The following ANO3 variants were observed in gnomAD, a reference collection of about 807,000 sequenced individuals.
The protein encoded by ANO3 is anoctamin-3.
ANO3 carries 99 observed loss-of-function variants against 144.8 expected under a neutral mutation model. The observed-to-expected ratio is 0.68, with a 90% CI of 0.58 to 0.81. The LOEUF (loss-of-function observed/expected upper bound fraction) is 0.81, where lower values mean the gene tolerates loss of function less well. Among genes scored for constraint, ANO3 ranks in the 30% least tolerant of loss-of-function variants. ANO3 has a pLI of 0.00. For synonymous variants in ANO3, 414 were observed against 392.6 expected (o/e 1.05, Z -0.64); for missense variants, 905 against 1,202.2 (o/e 0.75, Z 3.66).
rs752751559 is a variant in ANO3, at chr11:26,563,179, A to AC, written c.1447+3401dup. 2.5e-6 allele frequency: 4 copies of AC among 1,612,632 alleles called. No homozygotes were observed. The South Asian group carries it at 4.4e-5, about 18-fold the overall frequency. On this transcript the variant is annotated intron_variant, in intron 14 of 26. Transcript: ENST00000256737. ...AATGAATCCGTTTTCCTTTTTCCAC[A>AC]CAACAAGTAGCCCACAAGAGTAAGC...
At chr11:26,504,543 T>C (rs1229333326) in intron 4 of ANO3, among the ~76,000 whole-genome samples, 1 of 149,426 alleles carries the variant, frequency 6.7e-6, no homozygotes, top group African/African-American at 2.5e-5. Flanking sequence ...GCTAGCACTA[T>C]ATTATGTATT....
chr11:26,408,622 T>C (rs370877380), intron 1 of ANO3, among the ~76,000 whole-genome samples: 1 of 149,110 alleles, frequency 6.7e-6, no homozygotes, highest in Non-Finnish European at 1.5e-5. Context: ...ATCCCATTAC[T>C]GGGTATATGC....
chr11:26,511,500 A>T (rs896228856), intron 5 of ANO3, among the ~76,000 whole-genome samples: 1 of 151,338 alleles, frequency 6.6e-6, no homozygotes, highest in South Asian at 2.1e-4. Flanking sequence ...CACAAGAAAG[A>T]TGATCTGACC....
chr11:26,502,610 T>G (rs185806016), intron 4 of ANO3, among the ~76,000 whole-genome samples: 16 of 152,284 alleles, frequency 1.1e-4, no homozygotes, highest in Non-Finnish European at 2.1e-4. Flanking sequence ...TAACCTTCCG[T>G]GTCTGTTGGT....
At chr11:26,311,246 A>T (rs1023492754) in intron 1 of ANO3, among the ~76,000 whole-genome samples, 5 of 152,076 alleles carry the variant, frequency 3.3e-5, no homozygotes, top group African/African-American at 1.2e-4. Flanking sequence ...GGATTTATTG[A>T]CTCTTCCCAA....
chr11:26,280,523 C>A (rs1163809947), intron 1 of ANO3, among the ~76,000 whole-genome samples: 1 of 152,250 alleles, frequency 6.6e-6, no homozygotes, highest in South Asian at 2.1e-4. Context: ...GGCAGGAACA[C>A]TAAACAAGTC....
At chr11:26,193,658 T>G (rs1851522594) in intron 1 of ANO3, among the ~76,000 whole-genome samples, 1 of 152,210 alleles carries the variant, frequency 6.6e-6, no homozygotes, top group African/African-American at 2.4e-5. Context: ...TAAGCTAGAA[T>G]GATAATCTGA....
chr11:26,415,743 G>A (rs7123359), intron 1 of ANO3, among the ~76,000 whole-genome samples: 51,408 of 151,866 alleles, frequency 0.34, 10,513 homozygotes, highest in African/African-American at 0.58. Flanking sequence ...ATACAGCCAG[G>A]CACATGTTCT....
chr11:26,196,843 A>T (rs1254942415), intron 1 of ANO3, among the ~76,000 whole-genome samples: 1 of 152,226 alleles, frequency 6.6e-6, no homozygotes, highest in African/African-American at 2.4e-5. Flanking sequence ...AGTGTATAAA[A>T]TGTTCACTAT....
intron 1 of ANO3, among the ~76,000 whole-genome samples, chr11:26,409,337 A>G (rs1249800984): frequency 6.6e-6 from 1 of 151,932 alleles, no homozygotes; most frequent in Non-Finnish European, 1.5e-5. Context: ...ACATAGACAT[A>G]TTAGAATAAA....
intron 1 of ANO3, among the ~76,000 whole-genome samples, chr11:26,318,983 G>T (rs144689675): frequency 0.012 from 1,839 of 151,874 alleles, 25 homozygotes; most frequent in Middle Eastern, 0.034. Flanking sequence ...CTAGCCCTTT[G>T]TATTTTTTTC....
chr11:26,233,080 G>A (rs1852437180), intron 1 of ANO3, among the ~76,000 whole-genome samples: 1 of 152,050 alleles, frequency 6.6e-6, no homozygotes. Flanking sequence ...AGCCAGGCCT[G>A]GTGGCGGGCG....
chr11:26,443,604 A>G (rs1858603832), intron 2 of ANO3, among the ~76,000 whole-genome samples, 161 bp from the exon 3 acceptor site: 1 of 152,216 alleles, frequency 6.6e-6, no homozygotes, highest in Non-Finnish European at 1.5e-5. Context: ...CGTTTCTTAA[A>G]AAACGGAAAA....
chr11:26,436,554 G>T (rs887512737), intron 1 of ANO3, among the ~76,000 whole-genome samples: 1 of 152,098 alleles, frequency 6.6e-6, no homozygotes, highest in African/African-American at 2.4e-5. Flanking sequence ...TCCTAGGGAG[G>T]TATGGACCTG....
chr11:26,221,057 C>T lies in ANO3; in HGVS notation c.154+31727C>T, dbSNP rs573563137. 1.7e-4 allele frequency among the ~76,000 whole-genome samples: 26 copies of T among 152,268 alleles called. 1 individual carries two copies. The South Asian group carries it at 2.7e-3, about 16-fold the overall frequency. Reference sequence around the variant, plus strand: ...TATGAGGGTCATGTGATCTCAGTTTCCCCCACACAATAATCCTCTACACAG... The same window carrying T: ...TATGAGGGTCATGTGATCTCAGTTTTCCCCACACAATAATCCTCTACACAG... On this transcript the variant is annotated intron_variant, in intron 1 of 27. Transcript: ENST00000672621.
chr11:26,301,450 G>A (rs1186274554), intron 1 of ANO3, among the ~76,000 whole-genome samples: 2 of 152,178 alleles, frequency 1.3e-5, no homozygotes, highest in Admixed American at 6.5e-5. Flanking sequence ...TTAAACAAGG[G>A]CTGGTGCATC....
At chr11:26,300,134 T>C (rs1854190901) in intron 1 of ANO3, among the ~76,000 whole-genome samples, 1 of 152,092 alleles carries the variant, frequency 6.6e-6, no homozygotes, top group Non-Finnish European at 1.5e-5. Context: ...GGCATGTTTT[T>C]TCCTTCATTT....
chr11:26,495,657 G>A (rs563029116), intron 4 of ANO3, among the ~76,000 whole-genome samples: 1 of 152,184 alleles, frequency 6.6e-6, no homozygotes, highest in East Asian at 1.9e-4. Flanking sequence ...GGACATTCTT[G>A]TCTTGTTGAT....
chr11:26,338,625 A>G (rs1370467704), intron 1 of ANO3, among the ~76,000 whole-genome samples: 2 of 152,086 alleles, frequency 1.3e-5, no homozygotes, highest in South Asian at 2.1e-4. Context: ...GGTCCGCACT[A>G]CCTTTATGAA....
Sources: gnomAD v4.1 joint callset for allele counts (sites outside exome capture counted in the v4.1 genomes callset) on GRCh38, gnomAD v4.1.1 for gene constraint, MANE v1.5 for transcripts, NCBI Gene and HGNC (gene_info 2026-07-23, HGNC 2026-07-21) for gene names.